Variants in OR4E1 observed in about 807,000 individuals in gnomAD.
The protein encoded by OR4E1 is olfactory receptor family 4 subfamily E member 1.
chr14:21,670,981 A>G (rs1880913368), intron 1 of OR4E1, 29 bp from the exon 2 acceptor site: 1 of 398,480 alleles, frequency 2.5e-6, no homozygotes. Context: ...AAAGTCTAAT[A>G]TAACACAGTA....
In OR4E1 at chr14:21,673,604, A is replaced by T. The variant is rs77937985; in HGVS notation, c.-532T>A. ...AGCAACACAACGACCCTGTCCAAAA[A>T]AAAAAAAAAAAAAAAAGAGTCAGCC... On this transcript the variant is annotated 5_prime_UTR_variant, in exon 1 of 2. Transcript: ENST00000641792. 8.7e-5 allele frequency: 13 copies of T among 149,758 alleles called. No individual in the cohort carries two copies. Among genetic ancestry groups the T allele is most frequent in the African/African-American group, 3.2e-4 (13 of 40,966 alleles). The allele number at this position is 149,758 out of a possible 1,614,324, so 9.3% of individuals were successfully genotyped here. A position where few individuals can be genotyped will look rare whatever the true frequency, so the allele number is the denominator to read the frequency against.
chr14:21,668,378 T>C lies in OR4E1; in HGVS notation c.*1610A>G, dbSNP rs1880754357. On this transcript the variant is annotated 3_prime_UTR_variant, in exon 2 of 2. Coordinates refer to ENST00000641792, the MANE Select transcript of OR4E1 (RefSeq NM_001317107.2). ...CCTTCCTAACACATTTCCTAGCAAA[T>C]AAAAATTTTCCTCCTAAAAATCATG... 1.3e-5 allele frequency: 1 copy of C among 76,170 alleles called. No individual in the cohort carries two copies. Among genetic ancestry groups the C allele is most frequent in the Non-Finnish European group, 3.1e-5 (1 of 32,266 alleles). 4.7% of individuals were successfully genotyped at this position (76,170 alleles called of 1,614,324 possible).
intron 1 of OR4E1, among the ~76,000 whole-genome samples, chr14:21,672,218 C>A (rs564499789): frequency 3.3e-5 from 5 of 152,300 alleles, no homozygotes; most frequent in African/African-American, 9.6e-5. Flanking sequence ...GTGGCCCACC[C>A]AAGGAAGCTG....
intron 1 of OR4E1, among the ~76,000 whole-genome samples, chr14:21,671,425 C>T (rs1880943044): frequency 6.6e-6 from 1 of 152,098 alleles, no homozygotes; most frequent in Admixed American, 6.5e-5. Context: ...ACCACTTGCT[C>T]AGCTGTTGGC....
chr14:21,672,382 T>C (rs1243715495), intron 1 of OR4E1, among the ~76,000 whole-genome samples: 2 of 152,224 alleles, frequency 1.3e-5, no homozygotes, highest in African/African-American at 2.4e-5. Flanking sequence ...GAAGATATTT[T>C]TGGGGCCAGA....
intron 1 of OR4E1, among the ~76,000 whole-genome samples, chr14:21,672,470 T>C (rs1190653963): frequency 1.3e-5 from 2 of 152,360 alleles, no homozygotes; most frequent in African/African-American, 2.4e-5. Context: ...AGCATCTAAA[T>C]GTAGCTATTG....
rs973436035 is a variant in OR4E1, at chr14:21,668,207, C to A, written c.*1781G>T. 6.7e-6 allele frequency: 1 copy of A among 150,204 alleles called. No homozygotes were observed. Among genetic ancestry groups the A allele is most frequent in the African/African-American group, 2.5e-5 (1 of 40,514 alleles). 9.3% of individuals were successfully genotyped at this position (150,204 alleles called of 1,614,324 possible). On this transcript the variant is annotated 3_prime_UTR_variant, in exon 2 of 2. Transcript: ENST00000641792. ...CAATATGACAATTTTGCACGTGTTC[C>A]TCTGTATGGCTGATTCCTGCACAAG...
In OR4E1 at chr14:21,670,233, TG is replaced by T. The variant is rs1469020431; in HGVS notation, c.702del (p.Lys235ArgfsTer16). The part of the protein sequence containing the change: ...VILVSLRQQI[S>X]KGKRKALSTC... ...GTGGACAGGGCCTTCCGCTTGCCCT[TG>T]GAGATCTGCTGCCTCAGACTCACCA... On this transcript the variant is annotated frameshift_variant, in exon 2 of 2. Coordinates refer to ENST00000641792, the MANE Select transcript of OR4E1 (RefSeq NM_001317107.2). LOFTEE classifies it low-confidence loss of function (END_TRUNC). The T allele has an allele frequency of 2.5e-6, 1 of 398,766 alleles. No individual in the cohort carries two copies. The highest frequency in any genetic ancestry group is 4.4e-6 in the Non-Finnish European group (1 of 226,302). 24.7% of individuals were successfully genotyped at this position (398,766 alleles called of 1,614,324 possible). A position where few individuals can be genotyped will look rare whatever the true frequency, so the allele number is the denominator to read the frequency against.
rs570179087 is a variant in OR4E1 at position 21,671,664 on chromosome 14, C to T, written c.-17-712G>A. On this transcript the variant is annotated intron_variant, in intron 1 of 1. Coordinates refer to ENST00000641792, the MANE Select transcript of OR4E1 (RefSeq NM_001317107.2). ...TTAAACTGGGAGTCAAGATCCAAGC[C>T]TAATAACATTACTGTCTTGATTAGA... 1.5e-3 allele frequency among the ~76,000 whole-genome samples: 236 copies of T among 152,282 alleles called. 1 individual carries two copies. Among genetic ancestry groups the T allele is most frequent in the African/African-American group, 5.5e-3 (227 of 41,560 alleles).
In OR4E1 at chr14:21,673,699, C is replaced by T. The variant is rs949622420; in HGVS notation, c.-627G>A. ...AACTTGATCTAATTATTCAGAAAAC[C>T]AGTGCGGCAGAAGCATCCTATTTCC... On this transcript the variant is annotated 5_prime_UTR_variant, in exon 1 of 2. The change creates a premature stop within an existing upstream ORF in the 5' untranslated region. Transcript: ENST00000641792. 1.3e-5 allele frequency: 2 copies of T among 151,744 alleles called. No homozygotes were observed. Among genetic ancestry groups the T allele is most frequent in the African/African-American group, 4.8e-5 (2 of 41,276 alleles). 9.4% of individuals were successfully genotyped at this position (151,744 alleles called of 1,614,324 possible).
In OR4E1 at chr14:21,669,764, T is replaced by C; in HGVS notation, c.*224A>G. The C allele has an allele frequency of 3.2e-6, 1 of 311,928 alleles. No homozygotes were observed. Among genetic ancestry groups the C allele is most frequent in the Non-Finnish European group, 5.8e-6 (1 of 171,792 alleles). 19.3% of individuals were successfully genotyped at this position (311,928 alleles called of 1,614,324 possible). On this transcript the variant is annotated 3_prime_UTR_variant, in exon 2 of 2. Transcript: ENST00000641792. ...CTTCATGTACAAACAAGCATCATAATATCTACCTTTCAAAGTTGTGAGAAT... is the reference window on the plus strand; with the variant it reads ...CTTCATGTACAAACAAGCATCATAACATCTACCTTTCAAAGTTGTGAGAAT...
rs989982917 is a variant in OR4E1 at position 21,670,154 on chromosome 14, A to C, written c.782T>G (p.Ile261Ser). 2.5e-6 allele frequency: 1 copy of C among 398,696 alleles called. No individual in the cohort carries two copies. Among genetic ancestry groups the C allele is most frequent in the Non-Finnish European group, 4.4e-6 (1 of 226,288 alleles). The allele number at this position is 398,696 out of a possible 1,614,324, so 24.7% of individuals were successfully genotyped here. A position where few individuals can be genotyped will look rare whatever the true frequency, so the allele number is the denominator to read the frequency against. ...VTLFLGHCIF[I>S]YSRPSTSLPE... ...GAGGCTGGTGGATGGGCGGGAATAG[A>C]TGAAGATGCAGTGTCCCAGGAACAG... Residue 261 changes from isoleucine to serine, a missense_variant, in exon 2 of 2, where the codon ATC becomes AGC. By Grantham distance (142) the Ile-to-Ser change is moderately radical. Transcript: ENST00000641792.
chr14:21,672,570 T>C (rs542258949), intron 1 of OR4E1, among the ~76,000 whole-genome samples: 41 of 152,198 alleles, frequency 2.7e-4, no homozygotes, highest in African/African-American at 9.4e-4. Flanking sequence ...GATTTACACT[T>C]GTTTTCATGG....
chr14:21,673,101 C>T lies in OR4E1; in HGVS notation c.-29G>A, dbSNP rs977703556. 6.6e-6 allele frequency: 1 copy of T among 152,054 alleles called. No homozygotes were observed. Among genetic ancestry groups the T allele is most frequent in the Admixed American group, 6.5e-5 (1 of 15,272 alleles). The allele number at this position is 152,054 out of a possible 1,614,324, so 9.4% of individuals were successfully genotyped here. On this transcript the variant is annotated 5_prime_UTR_variant, in exon 1 of 2. Transcript: ENST00000641792. ...ATAACCCCATTTACCTTGCTTTCTC[C>T]AATAAGAAAGGTGAGAGCCCTTGAA... is the stretch of plus-strand genomic sequence containing the variant.
At position 21,669,501 on chromosome 14, in the gene OR4E1, G is replaced by C. The variant is rs1489435235; in HGVS notation, c.*487C>G. The C allele has an allele frequency of 6.6e-6, 1 of 152,258 alleles. No individual in the cohort carries two copies. The highest frequency in any genetic ancestry group is 1.9e-4 in the East Asian group (1 of 5,200). The allele number at this position is 152,258 out of a possible 1,614,324, so 9.4% of individuals were successfully genotyped here. A position where few individuals can be genotyped will look rare whatever the true frequency, so the allele number is the denominator to read the frequency against. ...GAAACTCACTTTATCTGCTTCACTAGTGTTTGCTAAGCTGTTTACATAAGC... is the reference window on the plus strand; with the variant it reads ...GAAACTCACTTTATCTGCTTCACTACTGTTTGCTAAGCTGTTTACATAAGC... On this transcript the variant is annotated 3_prime_UTR_variant, in exon 2 of 2. Transcript: ENST00000641792.
chr14:21,670,274 G>A lies in OR4E1; in HGVS notation c.662C>T (p.Ser221Phe). 2.5e-6 allele frequency: 1 copy of A among 398,840 alleles called. No individual in the cohort carries two copies. Among genetic ancestry groups the A allele is most frequent in the Non-Finnish European group, 4.4e-6 (1 of 226,240 alleles). 24.7% of individuals were successfully genotyped at this position (398,840 alleles called of 1,614,324 possible). A position where few individuals can be genotyped will look rare whatever the true frequency, so the allele number is the denominator to read the frequency against. ...SVVCFVVLVVSYAVILVSLRQ... is the reference protein window; with the variant it reads ...SVVCFVVLVVFYAVILVSLRQ... ...CAGACTCACCAGGATGACTGCGTAG[G>A]ACACCACCAGGACCACAAAACAGAC... Residue 221 changes from serine (S) to phenylalanine (F), a missense_variant, in exon 2 of 2, where the codon TCC (serine) becomes TTC (phenylalanine). Coordinates refer to ENST00000641792, the MANE Select transcript of OR4E1 (RefSeq NM_001317107.2).
intron 1 of OR4E1, among the ~76,000 whole-genome samples, chr14:21,671,518 G>A (rs1323537499): frequency 6.6e-6 from 1 of 152,144 alleles, no homozygotes; most frequent in Admixed American, 6.5e-5. Context: ...CTGGACAATT[G>A]GCAACGTGGC....
At position 21,669,168 on chromosome 14, in the gene OR4E1, C is replaced by T. The variant is rs373120026; in HGVS notation, c.*820G>A. 6.6e-6 allele frequency: 1 copy of T among 152,224 alleles called. No homozygotes were observed. Among genetic ancestry groups the T allele is most frequent in the Non-Finnish European group, 1.5e-5 (1 of 68,042 alleles). The allele number at this position is 152,224 out of a possible 1,614,324, so 9.4% of individuals were successfully genotyped here. A position where few individuals can be genotyped will look rare whatever the true frequency, so the allele number is the denominator to read the frequency against. Reference sequence around the variant, plus strand: ...CACTAAAGCAAGTCTCTTCCATACTCTCTAACAGCACCCTGCTGTTTTATA... The same window carrying T: ...CACTAAAGCAAGTCTCTTCCATACTTTCTAACAGCACCCTGCTGTTTTATA... On this transcript the variant is annotated 3_prime_UTR_variant, in exon 2 of 2. Coordinates refer to ENST00000641792, the MANE Select transcript of OR4E1 (RefSeq NM_001317107.2).
chr14:21,670,240 C>T lies in OR4E1; in HGVS notation c.696G>A (p.Gln232=), dbSNP rs1880862703. 1 of 398,872 alleles carries T rather than the reference C, an allele frequency of 2.5e-6. No individual in the cohort carries two copies. The highest frequency in any genetic ancestry group is 4.4e-6 in the Non-Finnish European group (1 of 226,274). 24.7% of individuals were successfully genotyped at this position (398,872 alleles called of 1,614,324 possible). Residue 232 remains glutamine (Q), a synonymous_variant, in exon 2 of 2, where the codon CAG becomes CAA. Coordinates refer to ENST00000641792, the MANE Select transcript of OR4E1 (RefSeq NM_001317107.2). ...YAVILVSLRQ[Q]ISKGKRKALS... is the part of the protein sequence containing the mutation. The stretch of plus-strand genomic sequence containing the variant: ...GGGCCTTCCGCTTGCCCTTGGAGAT[C>T]TGCTGCCTCAGACTCACCAGGATGA...
Sources: gnomAD v4.1 joint callset for allele counts (sites outside exome capture counted in the v4.1 genomes callset) on GRCh38, gnomAD v4.1.1 for gene constraint, MANE v1.5 for transcripts, NCBI Gene and HGNC (gene_info 2026-07-23, HGNC 2026-07-21) for gene names.